NYAP2: variants seen among roughly 807,000 people sequenced by gnomAD.
NYAP2 encodes the protein neuronal tyrosine-phosphorylated phosphoinositide-3-kinase adapter 2.
A neutral mutation model predicts 50.4 loss-of-function variants in NYAP2; 23 were observed. The observed-to-expected ratio is 0.46, with a 90% CI of 0.33 to 0.65. NYAP2 has a LOEUF of 0.65. Ranked by LOEUF, NYAP2 falls within the 30% of genes least tolerant of loss-of-function variation. The probability of loss-of-function intolerance (pLI) is 0.02; values close to 1 mark genes in which losing one functional copy is unlikely to be tolerated. For synonymous variants in NYAP2, 394 were observed against 365.2 expected (o/e 1.08, Z -0.90); for missense variants, 885 against 861.0 (o/e 1.03, Z -0.35).
chr2:225,454,620 C>T (rs1208485276), intron 3 of NYAP2, among the ~76,000 whole-genome samples: 1 of 152,136 alleles, frequency 6.6e-6, no homozygotes, highest in African/African-American at 2.4e-5. Flanking sequence ...ACTACTTGAG[C>T]TCCGCCTCCT....
At chr2:225,566,105 G>A (rs904740528) in intron 4 of NYAP2, among the ~76,000 whole-genome samples, 2 of 152,040 alleles carry the variant, frequency 1.3e-5, no homozygotes, top group African/African-American at 4.8e-5. Flanking sequence ...CTACCTCATA[G>A]GGATGTTGTA....
chr2:225,645,493 C>T (rs1559239140), intron 6 of NYAP2, among the ~76,000 whole-genome samples: 1 of 151,208 alleles, frequency 6.6e-6, no homozygotes, highest in Non-Finnish European at 1.5e-5. Flanking sequence ...CACTGCCTTT[C>T]TCTCTCTCTC....
At chr2:225,640,848 G>A (rs564309268) in intron 6 of NYAP2, among the ~76,000 whole-genome samples, 1 of 152,142 alleles carries the variant, frequency 6.6e-6, no homozygotes, top group East Asian at 1.9e-4. Context: ...CATGCATACA[G>A]TATGATACCG....
intron 3 of NYAP2, among the ~76,000 whole-genome samples, chr2:225,424,863 C>G (rs1695263186): frequency 6.6e-6 from 1 of 152,004 alleles, no homozygotes; most frequent in African/African-American, 2.4e-5. Context: ...TCTCTAGTCT[C>G]TGAACTAATA....
At chr2:225,635,704 A>C (rs1220370355) in intron 6 of NYAP2, among the ~76,000 whole-genome samples, 1 of 152,198 alleles carries the variant, frequency 6.6e-6, no homozygotes, top group Middle Eastern at 3.2e-3. Context: ...GGCCAGTGTG[A>C]TGACCCTTTT....
At chr2:225,578,891 A>T (rs1325058889) in intron 4 of NYAP2, among the ~76,000 whole-genome samples, 1 of 152,178 alleles carries the variant, frequency 6.6e-6, no homozygotes, top group Non-Finnish European at 1.5e-5. Flanking sequence ...GGTTTAAATT[A>T]GAGAAATTTT....
At chr2:225,660,389 G>A in the NYAP2 span, among the ~76,000 whole-genome samples, 1 of 150,648 alleles carries the variant, frequency 6.6e-6, no homozygotes, top group South Asian at 2.1e-4. Context: ...GTCTATATAG[G>A]AAGCTATTAT....
At chr2:225,587,780 C>G (rs1692413657) in intron 5 of NYAP2, among the ~76,000 whole-genome samples, 1 of 151,298 alleles carries the variant, frequency 6.6e-6, no homozygotes, top group African/African-American at 2.4e-5. Flanking sequence ...TGCAGACCCA[C>G]TCAACTCCTG....
intron 5 of NYAP2, among the ~76,000 whole-genome samples, chr2:225,614,576 AG>A (rs1358067640): frequency 6.6e-6 from 1 of 152,212 alleles, no homozygotes; most frequent in Non-Finnish European, 1.5e-5. Flanking sequence ...AGCTAACAAA[AG>A]CATCACATAT....
In NYAP2 at chr2:225,511,327, A is replaced by AACACAC. The variant is rs571887973; in HGVS notation, c.222-2002_222-1997dup. Among the ~76,000 whole-genome samples the AACACAC allele has an allele frequency of 9.1e-3, 1,180 of 129,866 alleles. 14 individuals are homozygous for AACACAC. Among genetic ancestry groups the AACACAC allele is most frequent in the African/African-American group, 0.014 (477 of 33,122 alleles). The allele number at this position is 129,866 out of a possible 152,430, so 85.2% of individuals were successfully genotyped here. On this transcript the variant is annotated intron_variant, in intron 3 of 6. Transcript: ENST00000636099. ...GTATGTCTTAATTGCCGTTCTTTAA[A>AACACAC]ACACACACACACACACACACACACA...
At chr2:225,613,540 C>G (rs1692935605) in intron 5 of NYAP2, among the ~76,000 whole-genome samples, 1 of 152,036 alleles carries the variant, frequency 6.6e-6, no homozygotes, top group Non-Finnish European at 1.5e-5. Context: ...AAATTGACAC[C>G]TAAAATTAAC....
At chr2:225,640,814 C>T (rs1311448744) in intron 6 of NYAP2, among the ~76,000 whole-genome samples, 3 of 152,220 alleles carry the variant, frequency 2.0e-5, no homozygotes, top group African/African-American at 7.2e-5. Context: ...CATATTTCCC[C>T]TTTAACTTGG....
intron 2 of NYAP2, among the ~76,000 whole-genome samples, chr2:225,408,366 T>C (rs1694975834): frequency 6.6e-6 from 1 of 152,084 alleles, no homozygotes; most frequent in Admixed American, 6.6e-5. Flanking sequence ...ATATTTTGCA[T>C]ACATAGTTCA....
At chr2:225,493,371 A>G (rs1690443595) in intron 3 of NYAP2, among the ~76,000 whole-genome samples, 1 of 152,210 alleles carries the variant, frequency 6.6e-6, no homozygotes, top group Admixed American at 6.5e-5. Context: ...GTTGCCATTC[A>G]CTGCCTCAGC....
the NYAP2 span, among the ~76,000 whole-genome samples, chr2:225,660,106 C>T: frequency 2.6e-5 from 4 of 152,090 alleles, no homozygotes; most frequent in African/African-American, 9.7e-5. Flanking sequence ...AAATTGATTT[C>T]CCCCACCTTG....
intron 6 of NYAP2, among the ~76,000 whole-genome samples, chr2:225,643,167 A>G (rs532051338): frequency 2.6e-5 from 4 of 152,248 alleles, no homozygotes; most frequent in South Asian, 4.2e-4. Context: ...TTCTTGTTAT[A>G]GATGATAAAA....
chr2:225,565,130 C>CAAA (rs576392809), intron 4 of NYAP2, among the ~76,000 whole-genome samples: 9 of 132,902 alleles, frequency 6.8e-5, no homozygotes, highest in African/African-American at 2.4e-4. Flanking sequence ...CACTCCGTCT[C>CAAA]AAAAAAAAAA....
At chr2:225,690,641 C>T in the NYAP2 span, among the ~76,000 whole-genome samples, 3 of 152,000 alleles carry the variant, frequency 2.0e-5, no homozygotes, top group Non-Finnish European at 4.4e-5. Flanking sequence ...ATCAGTTTCT[C>T]TCTTTAATTC....
Position 225,637,564 on chromosome 2 carries a change from C to T in NYAP2, c.1828+10438C>T, listed in dbSNP as rs1693443012. 2.0e-5 allele frequency among the ~76,000 whole-genome samples: 3 copies of T among 152,142 alleles called. No individual in the cohort carries two copies. The South Asian group carries it at 6.2e-4, about 32-fold the overall frequency. ...AGGTTCTGCTGCCTGGTTCTGTTCA[C>T]CGTTTTCTCACTCTGCAGTTTAACT... On this transcript the variant is annotated intron_variant, in intron 6 of 6. Transcript: ENST00000636099.
Sources: gnomAD v4.1 joint callset for allele counts (sites outside exome capture counted in the v4.1 genomes callset) on GRCh38, gnomAD v4.1.1 for gene constraint, MANE v1.5 for transcripts, NCBI Gene and HGNC (gene_info 2026-07-23, HGNC 2026-07-21) for gene names.